The following MARCHF1 variants were observed in gnomAD, a reference collection of about 807,000 sequenced individuals.
MARCHF1 encodes the protein membrane associated ring-CH-type finger 1.
In MARCHF1, 40 loss-of-function variants were observed where a neutral mutation model predicts 54.2. That is an observed-to-expected ratio of 0.74 (90% CI 0.57 to 0.96). The LOEUF is 0.96. Among genes scored for constraint, MARCHF1 ranks in the 40% least tolerant of loss-of-function variants. MARCHF1 has a pLI of 0.00. For missense variants in MARCHF1, 586 were observed against 656.5 expected, an observed-to-expected ratio of 0.89 and a Z score of 1.17; for synonymous variants, 236 against 236.3, an observed-to-expected ratio of 1.00 and a Z score of 0.01.
At chr4:163,827,088 T>A (rs79729998) in intron 4 of MARCHF1, among the ~76,000 whole-genome samples, 7 of 150,542 alleles carry the variant, frequency 4.6e-5, no homozygotes, top group Non-Finnish European at 3.0e-5. Flanking sequence ...CTTTTTAAAA[T>A]AAAAAAAAAG....
chr4:164,134,338 C>T (rs1288121007), intron 1 of MARCHF1, among the ~76,000 whole-genome samples: 1 of 152,102 alleles, frequency 6.6e-6, no homozygotes, highest in Non-Finnish European at 1.5e-5. Flanking sequence ...AAAATGCATT[C>T]TCATTTAAAT....
At chr4:163,912,263 T>G (rs551764226) in intron 3 of MARCHF1, among the ~76,000 whole-genome samples, 13 of 152,270 alleles carry the variant, frequency 8.5e-5, no homozygotes, top group African/African-American at 3.1e-4. Flanking sequence ...TATTTTGTGC[T>G]GGGCTAAAAA....
intron 1 of MARCHF1, among the ~76,000 whole-genome samples, chr4:164,235,246 C>T (rs1229361590): frequency 6.6e-6 from 1 of 152,084 alleles, no homozygotes; most frequent in Non-Finnish European, 1.5e-5. Flanking sequence ...TTCCCTGTAT[C>T]TCATATTTCA....
chr4:164,260,665 C>A (rs1308537563), intron 1 of MARCHF1, among the ~76,000 whole-genome samples: 1 of 152,166 alleles, frequency 6.6e-6, no homozygotes, highest in African/African-American at 2.4e-5. Flanking sequence ...ACAATTGTGA[C>A]TATTTTTAGC....
chr4:163,603,671 A>G (rs1741049970), intron 7 of MARCHF1, among the ~76,000 whole-genome samples: 1 of 152,128 alleles, frequency 6.6e-6, no homozygotes, highest in African/African-American at 2.4e-5. Context: ...TACTCTGAAC[A>G]GATGACCTTA....
chr4:163,541,119 G>T (rs1009656492), intron 9 of MARCHF1, among the ~76,000 whole-genome samples: 1 of 152,214 alleles, frequency 6.6e-6, no homozygotes, highest in Non-Finnish European at 1.5e-5. Flanking sequence ...TTCTTTTTGG[G>T]TTGTTCTCAT....
chr4:163,992,820 T>C (rs890694059), intron 2 of MARCHF1, among the ~76,000 whole-genome samples: 22 of 150,192 alleles, frequency 1.5e-4, no homozygotes, highest in African/African-American at 4.9e-4. Flanking sequence ...TATAAATGCA[T>C]TGATACAAGA....
intron 1 of MARCHF1, among the ~76,000 whole-genome samples, chr4:164,335,231 G>A (rs1729699202): frequency 6.6e-6 from 1 of 152,184 alleles, no homozygotes; most frequent in African/African-American, 2.4e-5. Context: ...AACACATGCT[G>A]CAGAGAAATC....
chr4:163,956,836 A>C (rs1752241970), intron 3 of MARCHF1, among the ~76,000 whole-genome samples: 1 of 152,062 alleles, frequency 6.6e-6, no homozygotes, highest in African/African-American at 2.4e-5. Context: ...TTTCATCAAA[A>C]GACTACAAAG....
intron 1 of MARCHF1, among the ~76,000 whole-genome samples, chr4:164,219,858 C>G (rs757024160): frequency 5.3e-5 from 8 of 151,896 alleles, no homozygotes; most frequent in Non-Finnish European, 1.2e-4. Flanking sequence ...TTACTTGTCT[C>G]TAAGAGAACA....
chr4:163,533,080 A>G (rs1738408959), intron 9 of MARCHF1, among the ~76,000 whole-genome samples: 1 of 152,022 alleles, frequency 6.6e-6, no homozygotes, highest in African/African-American at 2.4e-5. Flanking sequence ...TTATTCATAT[A>G]TTTGTTCAAA....
At chr4:164,087,412 TC>T (rs137943287) in intron 2 of MARCHF1, among the ~76,000 whole-genome samples, 1,737 of 152,174 alleles carry the variant, frequency 0.011, 19 homozygotes, top group Non-Finnish European at 0.018. Flanking sequence ...TTTAGTCTTT[TC>T]AACAAGCAGT....
At chr4:163,555,786 A>G in intron 8 of MARCHF1, 1 of 344,062 alleles carries the variant, frequency 2.9e-6, no homozygotes, top group Non-Finnish European at 6.1e-6. Context: ...CTCTTGGATG[A>G]CACTGCCATT....
intron 4 of MARCHF1, among the ~76,000 whole-genome samples, chr4:163,835,013 G>T (rs56751562): frequency 0.04 from 6,146 of 152,014 alleles, 298 homozygotes; most frequent in African/African-American, 0.11. Flanking sequence ...CATACTAGGA[G>T]CTGGGACTAA....
chr4:164,210,673 T>C (rs1036652185), intron 1 of MARCHF1, among the ~76,000 whole-genome samples: 8 of 152,034 alleles, frequency 5.3e-5, no homozygotes, highest in African/African-American at 1.9e-4. Context: ...GACCTCAATA[T>C]GTAGGAGTTA....
intron 1 of MARCHF1, among the ~76,000 whole-genome samples, chr4:164,361,258 C>G (rs1172012964): frequency 6.6e-6 from 1 of 152,026 alleles, no homozygotes; most frequent in Non-Finnish European, 1.5e-5. Context: ...TGGACATTTC[C>G]TTTTATCAAA....
At chr4:164,381,126 A>G (rs1221265433) in intron 1 of MARCHF1, among the ~76,000 whole-genome samples, 1 of 152,192 alleles carries the variant, frequency 6.6e-6, no homozygotes, top group African/African-American at 2.4e-5. Flanking sequence ...ACCTTGGAAC[A>G]TCACTATTGC....
At chr4:163,829,306 C>A (rs1168179677) in intron 4 of MARCHF1, among the ~76,000 whole-genome samples, 1 of 152,128 alleles carries the variant, frequency 6.6e-6, no homozygotes, top group Admixed American at 6.6e-5. Context: ...ATGGTAAGAA[C>A]TTTTCCATGC....
chr4:164,335,952 A>G (rs1286286392), intron 1 of MARCHF1, among the ~76,000 whole-genome samples: 6 of 152,144 alleles, frequency 3.9e-5, no homozygotes, highest in Admixed American at 2.6e-4. Flanking sequence ...GCTATCTAGT[A>G]TTTTCAACAG....
Sources: gnomAD v4.1 joint callset for allele counts (sites outside exome capture counted in the v4.1 genomes callset) on GRCh38, gnomAD v4.1.1 for gene constraint, MANE v1.5 for transcripts, NCBI Gene and HGNC (gene_info 2026-07-23, HGNC 2026-07-21) for gene names.